Variants in AHCYL2 observed in about 807,000 individuals in gnomAD.
The protein encoded by AHCYL2 is S-adenosylhomocysteine hydrolase-like protein 2.
A neutral mutation model predicts 81.4 loss-of-function variants in AHCYL2; 28 were observed. The observed-to-expected ratio is 0.34, with a 90% CI of 0.25 to 0.47. AHCYL2 has a LOEUF of 0.47. AHCYL2 is among the 20% of genes least tolerant of loss of function. AHCYL2 has a pLI of 1.00. For missense variants in AHCYL2, 551 were observed against 785.1 expected (o/e 0.70, Z 3.56); for synonymous variants, 272 against 290.2 (o/e 0.94, Z 0.64).
chr7:129,246,215 C>T (rs1201352839), intron 1 of AHCYL2, among the ~76,000 whole-genome samples: 7 of 152,150 alleles, frequency 4.6e-5, no homozygotes, highest in South Asian at 2.1e-4. Flanking sequence ...TGTGCCACCA[C>T]GCCCATCTAA....
chr7:129,373,294 C>A (rs772795523), intron 1 of AHCYL2, among the ~76,000 whole-genome samples: 4 of 152,012 alleles, frequency 2.6e-5, no homozygotes, highest in Non-Finnish European at 5.9e-5. Flanking sequence ...GCCTGTAATC[C>A]CAGCACTTTG....
At chr7:129,356,428 C>T (rs1214422323) in intron 1 of AHCYL2, among the ~76,000 whole-genome samples, 3 of 152,166 alleles carry the variant, frequency 2.0e-5, no homozygotes, top group Non-Finnish European at 4.4e-5. Flanking sequence ...TCCACCCTAT[C>T]CCCTGTAATT....
intron 1 of AHCYL2, among the ~76,000 whole-genome samples, chr7:129,244,167 ATTTT>A (rs201537468): frequency 8.1e-6 from 1 of 123,224 alleles, no homozygotes. Flanking sequence ...TGCCTAATTC[ATTTT>A]TTTTTTTTTT....
intron 1 of AHCYL2, among the ~76,000 whole-genome samples, chr7:129,278,791 A>C (rs187755856): frequency 1.5e-3 from 214 of 140,604 alleles, no homozygotes; most frequent in Non-Finnish European, 2.4e-3. Context: ...TTGCATATGA[A>C]TATCTAATTG....
chr7:129,400,245 CT>C, intron 5 of AHCYL2, 44 bp from the exon 6 acceptor site: 5 of 1,569,328 alleles, frequency 3.2e-6, no homozygotes, highest in Non-Finnish European at 3.5e-6. Flanking sequence ...GGGGGTCAGC[CT>C]TTTTTGGTCT....
chr7:129,417,723 A>G (rs183104289), intron 12 of AHCYL2, among the ~76,000 whole-genome samples: 6 of 152,342 alleles, frequency 3.9e-5, no homozygotes, highest in African/African-American at 1.2e-4. Context: ...ATTCAAGGAA[A>G]TATCAAACTC....
intron 1 of AHCYL2, among the ~76,000 whole-genome samples, chr7:129,239,945 C>T (rs1357354712): frequency 6.6e-5 from 10 of 152,000 alleles, no homozygotes; most frequent in Admixed American, 5.3e-4. Context: ...CACGGCTGGC[C>T]GGACGCGGTG....
chr7:129,378,633 AT>A (rs1403439024), intron 1 of AHCYL2, among the ~76,000 whole-genome samples: 2 of 152,232 alleles, frequency 1.3e-5, no homozygotes, highest in Admixed American at 1.3e-4. Flanking sequence ...CAGAATGTTC[AT>A]TCTTAATGAA....
intron 13 of AHCYL2, 55 bp from the exon 14 acceptor site, chr7:129,424,819 T>C: frequency 6.2e-7 from 1 of 1,601,230 alleles, no homozygotes; most frequent in Non-Finnish European, 8.5e-7. Flanking sequence ...CCCTCACTTC[T>C]CAAAGGCCAG....
intron 1 of AHCYL2, 146 bp downstream of exon 1, chr7:129,225,585 A>C: frequency 2.8e-5 from 37 of 1,341,312 alleles, no homozygotes; most frequent in Middle Eastern, 2.7e-4. Context: ...CCACTCTCTC[A>C]GAGATGCCCC....
intron 1 of AHCYL2, among the ~76,000 whole-genome samples, chr7:129,257,482 C>T (rs902343765): frequency 6.6e-6 from 1 of 152,118 alleles, no homozygotes; most frequent in Non-Finnish European, 1.5e-5. Context: ...AAAAGGGTCT[C>T]AAGTACCTAC....
intron 2 of AHCYL2, among the ~76,000 whole-genome samples, chr7:129,382,908 A>G (rs1441486365): frequency 6.6e-6 from 1 of 152,158 alleles, no homozygotes; most frequent in Non-Finnish European, 1.5e-5. Context: ...CTATGTCTCA[A>G]AAAAAATTAA....
In AHCYL2 at chr7:129,388,977, G is replaced by C. The variant is rs953681629; in HGVS notation, c.476-79G>C. The C allele has an allele frequency of 5.8e-6, 9 of 1,559,650 alleles. No individual in the cohort carries two copies. In the African/African-American group the frequency reaches 1.1e-4, roughly 19 times the overall value. Reference sequence around the variant, plus strand: ...TATATGGTGCTAGGTGGCTAGAGAAGCTTCAGTTTGCTCCATGGTTTGGAA... The same window carrying C: ...TATATGGTGCTAGGTGGCTAGAGAACCTTCAGTTTGCTCCATGGTTTGGAA... On this transcript the variant is annotated intron_variant, in intron 2 of 16. Transcript: ENST00000325006.
intron 1 of AHCYL2, among the ~76,000 whole-genome samples, chr7:129,327,316 G>A (rs1333893195): frequency 6.6e-6 from 1 of 152,132 alleles, no homozygotes; most frequent in East Asian, 1.9e-4. Flanking sequence ...CAAGAAGTGG[G>A]ACCTTGCTGA....
intron 1 of AHCYL2, among the ~76,000 whole-genome samples, chr7:129,360,292 T>G (rs1793886990): frequency 6.6e-6 from 1 of 152,002 alleles, no homozygotes; most frequent in Non-Finnish European, 1.5e-5. Context: ...AATTTTGTAT[T>G]TTTAGTAGAG....
chr7:129,344,428 C>T (rs942361375), intron 1 of AHCYL2, among the ~76,000 whole-genome samples: 4 of 152,084 alleles, frequency 2.6e-5, no homozygotes, highest in African/African-American at 9.7e-5. Context: ...GAATGAACTA[C>T]TCATATAACA....
At chr7:129,251,460 G>A (rs1795248777) in intron 1 of AHCYL2, among the ~76,000 whole-genome samples, 1 of 151,694 alleles carries the variant, frequency 6.6e-6, no homozygotes, top group African/African-American at 2.4e-5. Flanking sequence ...TTCTAGAGTA[G>A]GAATTGTTGT....
intron 12 of AHCYL2, among the ~76,000 whole-genome samples, chr7:129,416,451 G>A (rs985442634): frequency 6.6e-5 from 10 of 152,294 alleles, no homozygotes; most frequent in African/African-American, 2.4e-4. Flanking sequence ...AGCATGGTGG[G>A]AGAATTGAGC....
chr7:129,385,224 C>A (rs1795147594), intron 2 of AHCYL2, among the ~76,000 whole-genome samples: 1 of 152,212 alleles, frequency 6.6e-6, no homozygotes, highest in East Asian at 1.9e-4. Flanking sequence ...GCTTTTTACA[C>A]ATTTCCAGAG....
Sources: gnomAD v4.1 joint callset for allele counts (sites outside exome capture counted in the v4.1 genomes callset) on GRCh38, gnomAD v4.1.1 for gene constraint, MANE v1.5 for transcripts, NCBI Gene and HGNC (gene_info 2026-07-23, HGNC 2026-07-21) for gene names.